The following DOK6 variants were observed in gnomAD, a reference collection of about 807,000 sequenced individuals.
DOK6 encodes docking protein 6.
DOK6 carries 22 observed loss-of-function variants against 44.0 expected under a neutral mutation model. That is an observed-to-expected ratio of 0.50 (90% CI 0.36 to 0.71). The LOEUF is 0.71. Ranked by LOEUF, DOK6 falls within the 30% of genes least tolerant of loss-of-function variation. DOK6 has a pLI of 0.00. For synonymous variants in DOK6, 166 were observed against 145.5 expected (o/e 1.14, Z -1.01); for missense variants, 340 against 416.4 (o/e 0.82, Z 1.60).
intron 4 of DOK6, among the ~76,000 whole-genome samples, chr18:69,680,341 G>C (rs1008258938): frequency 6.6e-6 from 1 of 152,174 alleles, no homozygotes; most frequent in Non-Finnish European, 1.5e-5. Flanking sequence ...TCCCCTTAAA[G>C]GAAGTTCCTT....
At chr18:69,568,683 G>A (rs1983044921) in intron 2 of DOK6, among the ~76,000 whole-genome samples, 1 of 152,132 alleles carries the variant, frequency 6.6e-6, no homozygotes, top group Non-Finnish European at 1.5e-5. Flanking sequence ...AGGGAGCAAA[G>A]CTTCATCTGT....
chr18:69,499,210 T>C (rs1599160405), intron 1 of DOK6, among the ~76,000 whole-genome samples: 1 of 152,038 alleles, frequency 6.6e-6, no homozygotes, highest in Non-Finnish European at 1.5e-5. Flanking sequence ...TATATATACA[T>C]ATATATGTGT....
intron 5 of DOK6, among the ~76,000 whole-genome samples, chr18:69,715,038 T>C (rs1311862346): frequency 2.6e-5 from 4 of 152,194 alleles, no homozygotes. Flanking sequence ...TGAAAAATCC[T>C]TTATATATGA....
chr18:69,660,498 A>C (rs1275709979), intron 3 of DOK6: 1 of 152,078 alleles, frequency 6.6e-6, no homozygotes, highest in Non-Finnish European at 1.5e-5. Context: ...TAGCACAATT[A>C]CTAAAATAAT....
intron 7 of DOK6, among the ~76,000 whole-genome samples, chr18:69,805,962 TTATG>T (rs1161723722): frequency 6.6e-6 from 1 of 151,954 alleles, no homozygotes; most frequent in Non-Finnish European, 1.5e-5. Flanking sequence ...GGAACTAAGA[TTATG>T]TATGCATATG....
chr18:69,733,731 T>C (rs1395661617), intron 5 of DOK6, among the ~76,000 whole-genome samples: 2 of 102,950 alleles, frequency 1.9e-5, no homozygotes, highest in Non-Finnish European at 5.3e-5. Context: ...CATAATTTTT[T>C]CATAGAGTTC....
chr18:69,426,377 A>C (rs1364178268), intron 1 of DOK6, among the ~76,000 whole-genome samples: 2 of 152,204 alleles, frequency 1.3e-5, no homozygotes, highest in Non-Finnish European at 2.9e-5. Context: ...TTGAATAAAA[A>C]ATTCATTGAC....
At chr18:69,524,846 GT>G (rs995868025) in intron 1 of DOK6, among the ~76,000 whole-genome samples, 12 of 151,776 alleles carry the variant, frequency 7.9e-5, no homozygotes, top group Admixed American at 2.6e-4. Flanking sequence ...AATAGGGAGA[GT>G]TTTTTCTCTT....
intron 7 of DOK6, among the ~76,000 whole-genome samples, chr18:69,793,203 G>A (rs571246451): frequency 7.2e-5 from 11 of 152,172 alleles, no homozygotes; most frequent in African/African-American, 1.2e-4. Flanking sequence ...GTGAGTTTTC[G>A]GACTTTGACC....
intron 1 of DOK6, among the ~76,000 whole-genome samples, chr18:69,411,590 G>T (rs932068072): frequency 6.6e-6 from 1 of 152,106 alleles, no homozygotes; most frequent in Admixed American, 6.6e-5. Context: ...AAAATGATTA[G>T]TCTCTTTTCT....
At chr18:69,609,483 C>CAAAAAATA (rs147856604) in intron 3 of DOK6, among the ~76,000 whole-genome samples, 2,430 of 145,598 alleles carry the variant, frequency 0.017, 72 homozygotes, top group East Asian at 0.15. Flanking sequence ...ATGGCTATTA[C>CAAAAAATA]AAGAAATAAA....
At chr18:69,497,594 T>A in intron 1 of DOK6, among the ~76,000 whole-genome samples, 1 of 152,216 alleles carries the variant, frequency 6.6e-6, no homozygotes, top group East Asian at 1.9e-4. Context: ...TCCAAGTTGA[T>A]AGTCATCATG....
At chr18:69,793,049 C>T (rs1434270657) in intron 7 of DOK6, among the ~76,000 whole-genome samples, 2 of 152,042 alleles carry the variant, frequency 1.3e-5, no homozygotes, top group East Asian at 3.8e-4. Flanking sequence ...CAATTATTTG[C>T]AGCAGAATTT....
At chr18:69,781,068 C>G (rs966387821) in intron 7 of DOK6, among the ~76,000 whole-genome samples, 2 of 152,178 alleles carry the variant, frequency 1.3e-5, no homozygotes, top group African/African-American at 4.8e-5. Flanking sequence ...ACAATTTCAG[C>G]TACCAAGAGA....
intron 1 of DOK6, among the ~76,000 whole-genome samples, chr18:69,423,195 GGGA>G (rs986434934): frequency 2.0e-5 from 3 of 152,142 alleles, no homozygotes; most frequent in Non-Finnish European, 4.4e-5. Context: ...CCAGCCACGC[GGGA>G]GGCTGGGGTG....
chr18:69,626,155 G>A (rs1002875539), intron 3 of DOK6, among the ~76,000 whole-genome samples: 30 of 152,068 alleles, frequency 2.0e-4, no homozygotes, highest in Admixed American at 4.6e-4. Context: ...TCAGGTAAAG[G>A]AAAAAATAAT....
At chr18:69,653,202 G>A (rs1349516048) in intron 3 of DOK6, among the ~76,000 whole-genome samples, 1 of 152,064 alleles carries the variant, frequency 6.6e-6, no homozygotes, top group African/African-American at 2.4e-5. Flanking sequence ...ACCTTGAAGC[G>A]TTTGCCAATT....
At chr18:69,564,688 A>C in intron 2 of DOK6, 94 bp downstream of exon 2, 1 of 961,398 alleles carries the variant, frequency 1.0e-6, no homozygotes, top group African/African-American at 1.7e-5. Flanking sequence ...CAGTGGCAAA[A>C]ATTAATGGCT....
At chr18:69,643,426 A>T (rs1421030298) in intron 3 of DOK6, among the ~76,000 whole-genome samples, 1 of 152,166 alleles carries the variant, frequency 6.6e-6, no homozygotes, top group Non-Finnish European at 1.5e-5. Flanking sequence ...ATTCACCTTC[A>T]TGCCATCCCA....
Sources: gnomAD v4.1 joint callset for allele counts (sites outside exome capture counted in the v4.1 genomes callset) on GRCh38, gnomAD v4.1.1 for gene constraint, MANE v1.5 for transcripts, NCBI Gene and HGNC (gene_info 2026-07-23, HGNC 2026-07-21) for gene names.